The following CNTN4 variants were observed in gnomAD, a reference collection of about 807,000 sequenced individuals.
The protein encoded by CNTN4 is contactin 4.
CNTN4 carries 77 observed loss-of-function variants against 122.5 expected under a neutral mutation model. The observed-to-expected ratio is 0.63, with a 90% CI of 0.52 to 0.76. The LOEUF (loss-of-function observed/expected upper bound fraction) is 0.76. CNTN4 is among the 30% of genes least tolerant of loss of function. The pLI is 0.00. For missense variants in CNTN4, 1,256 were observed against 1,259.1 expected, an observed-to-expected ratio of 1.00 and a Z score of 0.04; for synonymous variants, 512 against 447.0, an observed-to-expected ratio of 1.15 and a Z score of -1.83.
chr3:2,304,979 T>C (rs1413118047), intron 2 of CNTN4, among the ~76,000 whole-genome samples: 2 of 152,006 alleles, frequency 1.3e-5, no homozygotes, highest in Non-Finnish European at 2.9e-5. Context: ...ACTGAGATTC[T>C]AAAATGATTA....
chr3:2,877,922 AC>A (rs1347902436), intron 8 of CNTN4, among the ~76,000 whole-genome samples: 1 of 152,240 alleles, frequency 6.6e-6, no homozygotes, highest in Non-Finnish European at 1.5e-5. Context: ...TAGTCAAATA[AC>A]AACATATCCT....
chr3:2,891,782 T>C (rs1038225239), intron 10 of CNTN4, among the ~76,000 whole-genome samples: 2 of 152,120 alleles, frequency 1.3e-5, no homozygotes, highest in African/African-American at 4.8e-5. Context: ...GAGTTTGGGT[T>C]TTATTCTCTG....
chr3:3,030,846 CT>C lies in CNTN4; in HGVS notation c.1663-6del. 1 of 1,613,906 alleles carries C rather than the reference CT, an allele frequency of 6.2e-7. No homozygotes were observed. The highest frequency in any genetic ancestry group is 1.7e-4 in the Middle Eastern group (1 of 6,060). ...AAGTAATTGCAGCCACTTTCCCCTA[CT>C]TTATCAGCAGGATTCAGCTGGTGAT... On this transcript the variant is annotated splice_polypyrimidine_tract_variant and splice_region_variant and intron_variant, in intron 15 of 24. Transcript: ENST00000418658.
At chr3:2,949,884 C>T (rs950195076) in intron 13 of CNTN4, among the ~76,000 whole-genome samples, 4 of 152,150 alleles carry the variant, frequency 2.6e-5, no homozygotes, top group Admixed American at 2.0e-4. Context: ...ATGTTTTTCT[C>T]TAAATCTAAC....
At chr3:2,573,107 C>T (rs1037828787) in intron 4 of CNTN4, among the ~76,000 whole-genome samples, 5 of 152,130 alleles carry the variant, frequency 3.3e-5, no homozygotes, top group Non-Finnish European at 7.3e-5. Context: ...AGATGTAAAC[C>T]GAAGCCGACT....
intron 3 of CNTN4, among the ~76,000 whole-genome samples, chr3:2,365,595 T>TA (rs2045346818): frequency 6.6e-6 from 1 of 152,238 alleles, no homozygotes; most frequent in African/African-American, 2.4e-5. Context: ...ATTTCTATCT[T>TA]ACGTTCTGCT....
intron 3 of CNTN4, among the ~76,000 whole-genome samples, chr3:2,543,720 G>A (rs982568357): frequency 6.6e-6 from 1 of 152,108 alleles, no homozygotes; most frequent in East Asian, 1.9e-4. Flanking sequence ...ACCCTTTGCT[G>A]TGTTCACAAA....
chr3:2,661,588 G>A (rs932108968), intron 4 of CNTN4, among the ~76,000 whole-genome samples: 15 of 151,806 alleles, frequency 9.9e-5, no homozygotes, highest in African/African-American at 3.4e-4. Flanking sequence ...CGAGGTGGGC[G>A]GATCACCTGA....
chr3:2,100,092 T>C (rs140367379), intron 1 of CNTN4, among the ~76,000 whole-genome samples: 212 of 152,232 alleles, frequency 1.4e-3, no homozygotes, highest in Non-Finnish European at 2.2e-3. Context: ...GCGGAGGTTG[T>C]GTAGGGCGAG....
chr3:2,705,850 AATATATGTGTTTAT>A (rs1321591986), intron 4 of CNTN4, among the ~76,000 whole-genome samples: 20 of 99,418 alleles, frequency 2.0e-4, no homozygotes, highest in Admixed American at 1.6e-4. Flanking sequence ...TATAATATAT[AATATATGTGTTTAT>A]ATATAATATA....
intron 6 of CNTN4, among the ~76,000 whole-genome samples, chr3:2,781,824 C>A (rs28422941): frequency 0.061 from 7,892 of 129,732 alleles, 573 homozygotes; most frequent in African/African-American, 0.11. Flanking sequence ...TCCCGGGTTC[C>A]CGCCATTCTC....
chr3:2,549,213 C>T (rs2078377613), intron 3 of CNTN4, among the ~76,000 whole-genome samples: 1 of 152,228 alleles, frequency 6.6e-6, no homozygotes, highest in East Asian at 1.9e-4. Context: ...GCCTGATTGC[C>T]CTGGCCAGAA....
At chr3:2,628,476 T>C (rs2082293824) in intron 4 of CNTN4, among the ~76,000 whole-genome samples, 1 of 152,216 alleles carries the variant, frequency 6.6e-6, no homozygotes, top group Admixed American at 6.5e-5. Context: ...GAGAATATTT[T>C]CTACTCTCGA....
At chr3:2,748,441 A>G (rs1018547546) in intron 6 of CNTN4, among the ~76,000 whole-genome samples, 7 of 152,166 alleles carry the variant, frequency 4.6e-5, no homozygotes, top group Middle Eastern at 3.4e-3. Flanking sequence ...AGACATAATG[A>G]TTGTTCTCCT....
intron 2 of CNTN4, among the ~76,000 whole-genome samples, chr3:2,212,569 C>A (rs1170733779): frequency 2.0e-5 from 3 of 152,096 alleles, no homozygotes; most frequent in Non-Finnish European, 1.5e-5. Flanking sequence ...TGAAGGAAAC[C>A]AACCCCATGA....
At chr3:3,013,231 C>T (rs930499834) in intron 14 of CNTN4, among the ~76,000 whole-genome samples, 2 of 152,150 alleles carry the variant, frequency 1.3e-5, no homozygotes, top group African/African-American at 4.8e-5. Flanking sequence ...AAGAAAACTA[C>T]AGCTCAGAGA....
chr3:2,129,049 A>T (rs1229361573), intron 2 of CNTN4, among the ~76,000 whole-genome samples: 1 of 152,184 alleles, frequency 6.6e-6, no homozygotes, highest in Admixed American at 6.5e-5. Flanking sequence ...ATATTTGGGA[A>T]ATGCTTCATT....
At chr3:2,102,446 T>C (rs1323056434) in intron 2 of CNTN4, among the ~76,000 whole-genome samples, 1 of 152,230 alleles carries the variant, frequency 6.6e-6, no homozygotes, top group African/African-American at 2.4e-5. Flanking sequence ...GCTTGGCTCT[T>C]TTAGATTGGC....
chr3:2,167,912 A>G (rs2149215419), intron 2 of CNTN4, among the ~76,000 whole-genome samples: 1 of 152,284 alleles, frequency 6.6e-6, no homozygotes, highest in South Asian at 2.1e-4. Context: ...TCCCTGAAGC[A>G]GAAGGATCAC....
Sources: gnomAD v4.1 joint callset for allele counts (sites outside exome capture counted in the v4.1 genomes callset) on GRCh38, gnomAD v4.1.1 for gene constraint, MANE v1.5 for transcripts, NCBI Gene and HGNC (gene_info 2026-07-23, HGNC 2026-07-21) for gene names.